RPS6KC1: variants seen among roughly 807,000 people sequenced by gnomAD.
RPS6KC1 encodes ribosomal protein S6 kinase C1, also known as inactive ribosomal protein S6 kinase delta-1.
RPS6KC1 carries 54 observed loss-of-function variants against 103.8 expected under a neutral mutation model. The observed-to-expected ratio is 0.52, with a 90% CI of 0.42 to 0.65. The LOEUF is 0.65. RPS6KC1 is among the 30% of genes least tolerant of loss of function. The pLI, the probability that RPS6KC1 is intolerant of heterozygous loss-of-function variation, is 0.00. For synonymous variants in RPS6KC1, 439 were observed against 438.7 expected, an observed-to-expected ratio of 1.00 and a Z score of -0.01; for missense variants, 1,151 against 1,253.8, an observed-to-expected ratio of 0.92 and a Z score of 1.24.
the RPS6KC1 span, among the ~76,000 whole-genome samples, chr1:213,744,654 CA>C: frequency 6.6e-6 from 1 of 152,322 alleles, no homozygotes; most frequent in South Asian, 2.1e-4. Flanking sequence ...CTAATACCCC[CA>C]TTTCTCTTGG....
At chr1:213,116,095 T>G (rs1399343419) in intron 4 of RPS6KC1, among the ~76,000 whole-genome samples, 6 of 151,992 alleles carry the variant, frequency 3.9e-5, no homozygotes, top group Non-Finnish European at 8.8e-5. Context: ...TGAGTTCAAT[T>G]CCTGGGTATC....
the RPS6KC1 span, among the ~76,000 whole-genome samples, chr1:213,712,648 C>T: frequency 1.3e-5 from 2 of 152,134 alleles, no homozygotes; most frequent in African/African-American, 4.8e-5. Context: ...GTGGTGTAGG[C>T]ACTTGAGGGA....
At chr1:213,504,793 A>G in the RPS6KC1 span, among the ~76,000 whole-genome samples, 1 of 152,026 alleles carries the variant, frequency 6.6e-6, no homozygotes, top group South Asian at 2.1e-4. Flanking sequence ...CTCTCTCTGG[A>G]AGCTTCTAGA....
chr1:213,632,937 A>G, the RPS6KC1 span, among the ~76,000 whole-genome samples: 1 of 152,340 alleles, frequency 6.6e-6, no homozygotes, highest in African/African-American at 2.4e-5. Context: ...CAAGTGGAAG[A>G]AAGGGTATCA....
At chr1:213,483,975 A>T in the RPS6KC1 span, among the ~76,000 whole-genome samples, 1 of 152,188 alleles carries the variant, frequency 6.6e-6, no homozygotes, top group Non-Finnish European at 1.5e-5. Flanking sequence ...TGTAGAGGGG[A>T]TAGGCCAGTG....
At chr1:213,055,322 C>T (rs1430034195) in intron 1 of RPS6KC1, among the ~76,000 whole-genome samples, 3 of 151,900 alleles carry the variant, frequency 2.0e-5, no homozygotes, top group Non-Finnish European at 4.4e-5. Flanking sequence ...ATATAGTATG[C>T]ACTTTTTTTT....
chr1:213,691,794 A>C, the RPS6KC1 span, among the ~76,000 whole-genome samples: 2 of 152,144 alleles, frequency 1.3e-5, no homozygotes, highest in African/African-American at 4.8e-5. Context: ...TTCCTCCATC[A>C]GGAAGTAAGC....
chr1:213,355,278 G>C, the RPS6KC1 span, among the ~76,000 whole-genome samples: 1 of 152,082 alleles, frequency 6.6e-6, no homozygotes. Flanking sequence ...AGAAGGGAGT[G>C]GGTGAAGGGG....
chr1:213,835,275 G>T, the RPS6KC1 span, among the ~76,000 whole-genome samples: 1 of 152,176 alleles, frequency 6.6e-6, no homozygotes, highest in Admixed American at 6.5e-5. Context: ...GACAAGTTCA[G>T]GAAATGGGAT....
the RPS6KC1 span, among the ~76,000 whole-genome samples, chr1:213,751,481 T>A: frequency 6.6e-6 from 1 of 152,118 alleles, no homozygotes; most frequent in Non-Finnish European, 1.5e-5. Flanking sequence ...ATTCTGTCAC[T>A]CCTATCTCCC....
the RPS6KC1 span, among the ~76,000 whole-genome samples, chr1:213,404,050 G>A: frequency 1.3e-5 from 2 of 152,188 alleles, no homozygotes; most frequent in Non-Finnish European, 2.9e-5. Flanking sequence ...GGCCCTAAGC[G>A]AGGATGTGGA....
At chr1:213,093,699 G>A (rs2081194144) in intron 3 of RPS6KC1, among the ~76,000 whole-genome samples, 1 of 152,108 alleles carries the variant, frequency 6.6e-6, no homozygotes, top group Admixed American at 6.5e-5. Context: ...CTGCCAGTGT[G>A]ATCTTATACA....
At chr1:213,315,729 G>A in the RPS6KC1 span, among the ~76,000 whole-genome samples, 7 of 152,158 alleles carry the variant, frequency 4.6e-5, no homozygotes, top group Non-Finnish European at 7.4e-5. Context: ...TGCCCCCCAC[G>A]GGCTTGTACA....
At chr1:213,237,647 C>A (rs2094253026) in intron 10 of RPS6KC1, among the ~76,000 whole-genome samples, 1 of 151,744 alleles carries the variant, frequency 6.6e-6, no homozygotes, top group Admixed American at 6.6e-5. Context: ...AATTTAAGTC[C>A]TAATTCTGAC....
At chr1:213,704,115 C>A in the RPS6KC1 span, among the ~76,000 whole-genome samples, 8 of 151,970 alleles carry the variant, frequency 5.3e-5, no homozygotes, top group Admixed American at 1.3e-4. Flanking sequence ...AGGCCGGGCG[C>A]GGTGGCTCAC....
the RPS6KC1 span, among the ~76,000 whole-genome samples, chr1:213,287,274 ATTTTT>A: frequency 1.1e-4 from 15 of 134,500 alleles, no homozygotes; most frequent in East Asian, 1.5e-3. Context: ...GTGTGTGTGT[ATTTTT>A]TTAAGTGGAA....
the RPS6KC1 span, among the ~76,000 whole-genome samples, chr1:213,392,217 G>A: frequency 2.0e-5 from 3 of 152,066 alleles, no homozygotes; most frequent in East Asian, 1.9e-4. Flanking sequence ...AGAACCGATG[G>A]TCTGCTTCTG....
chr1:213,119,014 A>G (rs1296156772), intron 5 of RPS6KC1, among the ~76,000 whole-genome samples: 19 of 152,032 alleles, frequency 1.2e-4, no homozygotes, highest in Admixed American at 1.2e-3. Context: ...TAATAGAACC[A>G]GTTTCCTCGG....
chr1:213,787,041 A>G, the RPS6KC1 span, among the ~76,000 whole-genome samples: 1 of 152,204 alleles, frequency 6.6e-6, no homozygotes, highest in South Asian at 2.1e-4. Flanking sequence ...TTAAGCAATT[A>G]AGAGATAAAC....
Sources: allele counts gnomAD v4.1 joint callset (sites outside exome capture counted in the v4.1 genomes callset), GRCh38; gene constraint gnomAD v4.1.1; transcripts MANE v1.5; gene names NCBI Gene and HGNC (gene_info 2026-07-23, HGNC 2026-07-21).